COL8A1: variants seen among roughly 807,000 people sequenced by gnomAD.
COL8A1 encodes collagen type VIII alpha 1 chain.
A neutral mutation model predicts 42.7 loss-of-function variants in COL8A1; 21 were observed. The ratio of observed to expected loss-of-function variants is 0.49; its 90% CI spans 0.35 to 0.71. COL8A1 has a LOEUF of 0.71. Among genes scored for constraint, COL8A1 ranks in the 30% least tolerant of loss-of-function variants. The pLI is 0.01. For synonymous variants in COL8A1, 367 were observed against 369.1 expected (o/e 0.99, Z 0.06); for missense variants, 788 against 962.4 (o/e 0.82, Z 2.40).
At chr3:99,766,320 C>G (rs1941462472) in intron 2 of COL8A1, among the ~76,000 whole-genome samples, 1 of 152,138 alleles carries the variant, frequency 6.6e-6, no homozygotes, top group South Asian at 2.1e-4. Flanking sequence ...ACCCTGCAGC[C>G]CATAGGCTCT....
At chr3:99,747,676 AT>A (rs1941056444) in intron 2 of COL8A1, among the ~76,000 whole-genome samples, 1 of 152,202 alleles carries the variant, frequency 6.6e-6, no homozygotes, top group Admixed American at 6.5e-5. Flanking sequence ...GATGACTGTA[AT>A]TCTGAGTATA....
At chr3:99,786,381 A>C (rs1421094197) in intron 2 of COL8A1, among the ~76,000 whole-genome samples, 1 of 152,230 alleles carries the variant, frequency 6.6e-6, no homozygotes, top group Non-Finnish European at 1.5e-5. Context: ...ATTAGTGCTC[A>C]TATAAAAGAG....
At chr3:99,708,592 C>T (rs1297331206) in intron 1 of COL8A1, among the ~76,000 whole-genome samples, 1 of 152,134 alleles carries the variant, frequency 6.6e-6, no homozygotes, top group Non-Finnish European at 1.5e-5. Flanking sequence ...GGCAAGCACA[C>T]CAAACTCCTT....
chr3:99,683,212 CA>C (rs1212804236), intron 1 of COL8A1, among the ~76,000 whole-genome samples: 1 of 152,110 alleles, frequency 6.6e-6, no homozygotes, highest in African/African-American at 2.4e-5. Flanking sequence ...CTTTCTCCCC[CA>C]TAAGACTCTA....
chr3:99,741,426 C>A (rs563314700), intron 1 of COL8A1, among the ~76,000 whole-genome samples: 2 of 152,218 alleles, frequency 1.3e-5, no homozygotes, highest in East Asian at 3.9e-4. Flanking sequence ...AGGGTATGCT[C>A]CAGCTATCTT....
At chr3:99,747,548 T>C (rs905540017) in intron 2 of COL8A1, among the ~76,000 whole-genome samples, 1 of 152,208 alleles carries the variant, frequency 6.6e-6, no homozygotes, top group East Asian at 1.9e-4. Flanking sequence ...TTTCTTGTGG[T>C]TGTACTACAC....
intron 2 of COL8A1, among the ~76,000 whole-genome samples, chr3:99,777,078 C>T (rs572206314): frequency 2.6e-5 from 4 of 152,146 alleles, no homozygotes; most frequent in East Asian, 3.9e-4. Flanking sequence ...TATCTTGTGC[C>T]GGTCTCCTAT....
intron 1 of COL8A1, among the ~76,000 whole-genome samples, chr3:99,721,898 C>T (rs1356293798): frequency 1.3e-5 from 2 of 149,952 alleles, no homozygotes; most frequent in East Asian, 2.0e-4. Context: ...TTTTTTTATG[C>T]GGGTGGTGAT....
At chr3:99,776,927 TATCATGCTAATGC>T (rs1280627570) in intron 2 of COL8A1, among the ~76,000 whole-genome samples, 4 of 152,202 alleles carry the variant, frequency 2.6e-5, no homozygotes, top group Admixed American at 1.3e-4. Flanking sequence ...GAGTGTCCTT[TATCATGCTAATGC>T]ATTATAACTA....
intron 1 of COL8A1, among the ~76,000 whole-genome samples, chr3:99,723,003 TTG>T (rs34062497): frequency 0.1 from 14,917 of 147,006 alleles, 885 homozygotes; most frequent in African/African-American, 0.18. Flanking sequence ...GAGACCAAAG[TTG>T]TGTGTGTGTG....
At chr3:99,737,459 A>G (rs1438719861) in intron 1 of COL8A1, among the ~76,000 whole-genome samples, 8 of 151,882 alleles carry the variant, frequency 5.3e-5, no homozygotes, top group Non-Finnish European at 7.4e-5. Flanking sequence ...TTGTCTGTAA[A>G]GTATTTTATT....
chr3:99,670,943 G>A (rs1368869050), intron 1 of COL8A1, among the ~76,000 whole-genome samples: 1 of 150,880 alleles, frequency 6.6e-6, no homozygotes, highest in African/African-American at 2.4e-5. Flanking sequence ...AGGCTCATCC[G>A]GGGTGTGTGT....
chr3:99,777,022 G>C (rs1216872221), intron 2 of COL8A1, among the ~76,000 whole-genome samples: 1 of 152,170 alleles, frequency 6.6e-6, no homozygotes, highest in African/African-American at 2.4e-5. Context: ...ATTTTGGCCA[G>C]CTTCTTCACC....
At chr3:99,673,457 T>A (rs902181564) in intron 1 of COL8A1, among the ~76,000 whole-genome samples, 8 of 152,100 alleles carry the variant, frequency 5.3e-5, no homozygotes, top group African/African-American at 1.9e-4. Flanking sequence ...CCCATGAGTT[T>A]GTCTAAATCA....
rs1304205243 is a variant in COL8A1, at chr3:99,797,696, GGTGTAGGTA to G, written c.*1563_*1571del. 1.3e-5 allele frequency: 2 copies of G among 152,118 alleles called. No individual in the cohort carries two copies. The highest frequency in any genetic ancestry group is 3.8e-4 in the East Asian group (2 of 5,204). 9.4% of individuals were successfully genotyped at this position (152,118 alleles called of 1,614,324 possible). On this transcript the variant is annotated 3_prime_UTR_variant, in exon 4 of 4. Coordinates refer to ENST00000652472, the MANE Select transcript of COL8A1 (RefSeq NM_020351.4). The stretch of plus-strand genomic sequence containing the variant: ...TTTAAAAACAGATGTGCTGCTTCTG[GGTGTAGGTA>G]GTAAAAGTATAGGAAAAGAACTGTT...
In COL8A1 at chr3:99,739,316, C is replaced by T. The variant is rs192743172; in HGVS notation, c.-128-5581C>T. The stretch of plus-strand genomic sequence containing the variant: ...TTTCCAGGTGCACAATGCAAGCTGT[C>T]GGTGGATCTACCATTGCGGGGTCTG... On this transcript the variant is annotated intron_variant, in intron 1 of 3. Transcript: ENST00000652472. Among the ~76,000 whole-genome samples the T allele has an allele frequency of 3.6e-3, 548 of 152,286 alleles. 5 individuals carry two copies. Among genetic ancestry groups the T allele is most frequent in the African/African-American group, 0.012 (514 of 41,558 alleles).
chr3:99,668,326 A>T (rs1938428836), intron 1 of COL8A1, among the ~76,000 whole-genome samples: 1 of 152,174 alleles, frequency 6.6e-6, no homozygotes, highest in East Asian at 1.9e-4. Flanking sequence ...CTTTTAAAAA[A>T]TGATTTCAAT....
At chr3:99,727,019 A>G (rs1308961062) in intron 1 of COL8A1, among the ~76,000 whole-genome samples, 3 of 41,894 alleles carry the variant, frequency 7.2e-5, no homozygotes, top group Non-Finnish European at 1.5e-4. Flanking sequence ...GGCCATTTTC[A>G]TGATATTGAT....
intron 1 of COL8A1, among the ~76,000 whole-genome samples, chr3:99,734,637 T>G (rs1275616737): frequency 6.6e-6 from 1 of 152,096 alleles, no homozygotes; most frequent in Non-Finnish European, 1.5e-5. Flanking sequence ...ATGCGGGCTT[T>G]TTTTTGGTTC....
Sources: gnomAD v4.1 joint callset for allele counts (sites outside exome capture counted in the v4.1 genomes callset) on GRCh38, gnomAD v4.1.1 for gene constraint, MANE v1.5 for transcripts, NCBI Gene and HGNC (gene_info 2026-07-23, HGNC 2026-07-21) for gene names.